SYDE2: variants seen among roughly 807,000 people sequenced by gnomAD.
SYDE2 encodes the protein rho GTPase-activating protein SYDE2.
SYDE2 carries 76 observed loss-of-function variants against 91.5 expected under a neutral mutation model. That is an observed-to-expected ratio of 0.83 (90% CI 0.69 to 1.01). The LOEUF (loss-of-function observed/expected upper bound fraction) is 1.01, where lower values mean the gene tolerates loss of function less well. Among genes scored for constraint, SYDE2 ranks in the 50% least tolerant of loss-of-function variants. SYDE2 has a pLI of 0.00. For synonymous variants in SYDE2, 513 were observed against 506.4 expected, an observed-to-expected ratio of 1.01 and a Z score of -0.18; for missense variants, 1,364 against 1,367.7, an observed-to-expected ratio of 1.00 and a Z score of 0.04.
In SYDE2 at chr1:85,157,217, A is replaced by G. The variant is rs1656902620; in HGVS notation, c.*1533T>C. On this transcript the variant is annotated 3_prime_UTR_variant, in exon 7 of 7. Transcript: ENST00000341460. ...GTTTTTCAATGGCTGCCATGTCTTAAAAGTTGGTAACTTAAAGTCTATTTA... is the reference window on the plus strand; with the variant it reads ...GTTTTTCAATGGCTGCCATGTCTTAGAAGTTGGTAACTTAAAGTCTATTTA... 1 of 152,076 alleles carries G rather than the reference A, an allele frequency of 6.6e-6. No individual in the cohort carries two copies. Among genetic ancestry groups the G allele is most frequent in the South Asian group, 2.1e-4 (1 of 4,832 alleles). 9.4% of individuals were successfully genotyped at this position (152,076 alleles called of 1,614,324 possible).
Position 85,158,693 on chromosome 1 carries a change from A to G in SYDE2, c.*57T>C. ...AAACATCGCTGTGGGTGGTATAAGA[A>G]AATAAAACAAAAACAGATTTGAAAC... is the stretch of plus-strand genomic sequence containing the variant. On this transcript the variant is annotated 3_prime_UTR_variant, in exon 7 of 7. Coordinates refer to ENST00000341460, the MANE Select transcript of SYDE2 (RefSeq NM_032184.2). 1.5e-6 allele frequency: 1 copy of G among 649,398 alleles called. No homozygotes were observed. The highest frequency in any genetic ancestry group is 1.8e-5 in the South Asian group (1 of 55,228). The allele number at this position is 649,398 out of a possible 1,614,324, so 40.2% of individuals were successfully genotyped here. A position where few individuals can be genotyped will look rare whatever the true frequency, so the allele number is the denominator to read the frequency against.
chr1:85,155,026 G>GAAAAAAAAAAAAAAAAAAAAAAA (rs1656847004), downstream of SYDE2, among the ~76,000 whole-genome samples: 2 of 81,434 alleles, frequency 2.5e-5, no homozygotes, highest in East Asian at 3.6e-4. Flanking sequence ...AAAAAAAAAA[G>GAAAAAAAAAAAAAAAAAAAAAAA]AAAAGAAAAA....
intron 1 of SYDE2, among the ~76,000 whole-genome samples, chr1:85,197,844 C>T (rs1658649490): frequency 6.6e-6 from 1 of 151,972 alleles, no homozygotes; most frequent in African/African-American, 2.4e-5. Flanking sequence ...TTAGTAGAGA[C>T]GGGGTTTCAC....
chr1:85,190,837 A>AC, intron 1 of SYDE2, 85 bp from the exon 2 acceptor site: 1 of 1,185,658 alleles, frequency 8.4e-7, no homozygotes, highest in Non-Finnish European at 1.2e-6. Context: ...ATTTAAAAAA[A>AC]TTTTTTTAAA....
chr1:85,178,536 T>C (rs1657796276), intron 3 of SYDE2, among the ~76,000 whole-genome samples: 1 of 152,158 alleles, frequency 6.6e-6, no homozygotes, highest in Non-Finnish European at 1.5e-5. Flanking sequence ...TCCCTTCTTT[T>C]CAGTTTTATA....
chr1:85,169,286 G>A (rs1657412959), intron 4 of SYDE2, 61 bp from the exon 5 acceptor site: 5 of 1,355,866 alleles, frequency 3.7e-6, no homozygotes, highest in Admixed American at 5.1e-5. Context: ...AAAGAACTAT[G>A]GTCAATTTTT....
Position 85,164,719 on chromosome 1 carries a change from C to T in SYDE2, c.2892G>A (p.Val964=), listed in dbSNP as rs1454937899. The part of the protein sequence containing the change: ...LKMLLDHLKL[V]ASYHEVNKMT... Reference sequence around the variant, plus strand: ...TCTTATTCACTTCATGATAGGAAGCCACCAATTTCAAATGATCCAACAACA... The same window carrying T: ...TCTTATTCACTTCATGATAGGAAGCTACCAATTTCAAATGATCCAACAACA... Residue 964 remains valine (V), a synonymous_variant, in exon 6 of 7, where the codon GTG becomes GTA. Transcript: ENST00000341460. 1.4e-6 allele frequency: 2 copies of T among 1,457,300 alleles called. No homozygotes were observed. Among genetic ancestry groups the T allele is most frequent in the African/African-American group, 2.9e-5 (2 of 69,006 alleles). The allele number at this position is 1,457,300 out of a possible 1,614,324, so 90.3% of individuals were successfully genotyped here.
At chr1:85,185,613 G>T (rs1325611052) in intron 2 of SYDE2, among the ~76,000 whole-genome samples, 1 of 152,164 alleles carries the variant, frequency 6.6e-6, no homozygotes, top group Non-Finnish European at 1.5e-5. Flanking sequence ...TCTGTTATTG[G>T]TGTATAAGAA....
Position 85,178,282 on chromosome 1 carries a change from A to T in SYDE2, c.2545-10T>A, listed in dbSNP as rs1208309853. 3 of 1,560,314 alleles carry T rather than the reference A, an allele frequency of 1.9e-6. No homozygotes were observed. Among genetic ancestry groups the T allele is most frequent in the Non-Finnish European group, 2.6e-6 (3 of 1,153,528 alleles). The stretch of plus-strand genomic sequence containing the variant: ...GATACAGGCCTACTACCTAGGAATA[A>T]AATTATGGCCACATTACAGTAAATT... On this transcript the variant is annotated splice_polypyrimidine_tract_variant and intron_variant, in intron 3 of 6. Transcript: ENST00000341460.
chr1:85,194,133 GATA>G (rs1376668247), intron 1 of SYDE2, among the ~76,000 whole-genome samples: 4 of 151,456 alleles, frequency 2.6e-5, no homozygotes, highest in South Asian at 4.1e-4. Context: ...CATTATTCAA[GATA>G]ATAAACTTGA....
intron 1 of SYDE2, chr1:85,194,937 G>A (rs1168790080): frequency 8.2e-6 from 4 of 488,672 alleles, no homozygotes; most frequent in Non-Finnish European, 1.1e-5. Flanking sequence ...AAGGCGGGCG[G>A]ATCACGAGGT....
intron 5 of SYDE2, among the ~76,000 whole-genome samples, chr1:85,165,318 C>A (rs1657225674): frequency 6.6e-6 from 1 of 152,076 alleles, no homozygotes; most frequent in Admixed American, 6.6e-5. Flanking sequence ...GAATGCATTC[C>A]AAATTTCAGC....
intron 6 of SYDE2, among the ~76,000 whole-genome samples, chr1:85,163,990 T>A (rs2100646827): frequency 6.6e-6 from 1 of 152,272 alleles, no homozygotes; most frequent in South Asian, 2.1e-4. Context: ...TGAGATAATT[T>A]GACTAATGAC....
In SYDE2 at chr1:85,200,921, C is replaced by G; in HGVS notation, c.76G>C (p.Ala26Pro). 1 of 1,321,172 alleles carries G rather than the reference C, an allele frequency of 7.6e-7. No homozygotes were observed. The highest frequency in any genetic ancestry group is 2.3e-5 in the South Asian group (1 of 43,646). 81.8% of individuals were successfully genotyped at this position (1,321,172 alleles called of 1,614,324 possible). A position where few individuals can be genotyped will look rare whatever the true frequency, so the allele number is the denominator to read the frequency against. The part of the protein sequence containing the change: ...GLADHSFPAG[A>P]RAPGQPPSRG... ...GAAGGCGGCTGGCCCGGAGCCCGGGCTCCCGCGGGGAAGCTGTGATCCGCC... is the reference window on the plus strand; with the variant it reads ...GAAGGCGGCTGGCCCGGAGCCCGGGGTCCCGCGGGGAAGCTGTGATCCGCC... The change falls in exon 1 of 7, where the codon GCC (alanine) becomes CCC (proline). Residue 26 changes from alanine to proline, a missense_variant. Coordinates refer to ENST00000341460, the MANE Select transcript of SYDE2 (RefSeq NM_032184.2).
chr1:85,193,145 T>C (rs1658439368), intron 1 of SYDE2, among the ~76,000 whole-genome samples: 1 of 152,216 alleles, frequency 6.6e-6, no homozygotes, highest in African/African-American at 2.4e-5. Context: ...TCTATCTCCA[T>C]TACACTTAAA....
intron 2 of SYDE2, among the ~76,000 whole-genome samples, chr1:85,184,610 G>C (rs576773597): frequency 7.7e-6 from 1 of 130,368 alleles, no homozygotes; most frequent in Admixed American, 8.1e-5. Flanking sequence ...TATATATCAT[G>C]GTGGCTCACT....
chr1:85,189,068 G>C (rs1228729722), intron 2 of SYDE2, among the ~76,000 whole-genome samples: 6 of 152,134 alleles, frequency 3.9e-5, no homozygotes, highest in African/African-American at 1.4e-4. Flanking sequence ...AAGCACATCA[G>C]AAAATTAAAG....
intron 1 of SYDE2, 110 bp from the exon 2 acceptor site, chr1:85,190,862 A>G: frequency 1.3e-6 from 1 of 762,564 alleles, no homozygotes; most frequent in Non-Finnish European, 2.1e-6. Flanking sequence ...AAGTAACAAC[A>G]ATCACATTCA....
At chr1:85,164,435 T>G in intron 6 of SYDE2, 91 bp downstream of exon 6, 1 of 937,968 alleles carries the variant, frequency 1.1e-6, no homozygotes, top group Non-Finnish European at 1.5e-6. Flanking sequence ...TCTAGAAGAG[T>G]TTCTTCAATC....
Sources: allele counts gnomAD v4.1 joint callset (sites outside exome capture counted in the v4.1 genomes callset), GRCh38; gene constraint gnomAD v4.1.1; transcripts MANE v1.5; gene names NCBI Gene and HGNC (gene_info 2026-07-23, HGNC 2026-07-21).